The following PRCD variants were observed in gnomAD, a reference collection of about 807,000 sequenced individuals.
PRCD encodes the protein photoreceptor disc component, also known as photoreceptor disk component PRCD.
PRCD carries 12 observed loss-of-function variants against 10.1 expected under a neutral mutation model. The observed-to-expected ratio is 1.18, with a 90% CI of 0.76 to 1.92. The LOEUF is 1.92. Ranked by LOEUF, PRCD falls within the 40% of genes most tolerant of loss-of-function variation. The pLI is 0.00. For missense variants in PRCD, 61 were observed against 72.2 expected (o/e 0.84, Z 0.56); for synonymous variants, 31 against 26.2 (o/e 1.18, Z -0.56).
chr17:76,547,720 CAT>C (rs1165132875), downstream of PRCD, among the ~76,000 whole-genome samples: 4 of 150,526 alleles, frequency 2.7e-5, no homozygotes, highest in African/African-American at 9.8e-5. Context: ...CACAGAGACA[CAT>C]ACATTCACAC....
upstream of PRCD, chr17:76,538,025 T>C (rs2074941241): frequency 6.7e-6 from 1 of 148,720 alleles, no homozygotes; most frequent in South Asian, 2.1e-4. Context: ...CGCACAGGAG[T>C]GCGCTGGGGC....
In PRCD at chr17:76,540,876, G is replaced by T. The variant is rs905071650; in HGVS notation, c.143+303G>T. 6.6e-6 allele frequency among the ~76,000 whole-genome samples: 1 copy of T among 152,228 alleles called. No homozygotes were observed. The highest frequency in any genetic ancestry group is 1.5e-5 in the Non-Finnish European group (1 of 68,036). ...GGCACAGGGGAGTGGAAGGAGGGAT[G>T]AGGCAGGAGTAGCTCTGTGTGGCTT... is the stretch of plus-strand genomic sequence containing the variant. On this transcript the variant is annotated intron_variant, in intron 2 of 4. Transcript: ENST00000592014. This position sits in a 1 kb window ranked among gnomAD's most constrained non-coding sequence, Gnocchi z 5.0.
In PRCD at chr17:76,528,400, G is replaced by A. The variant is rs1227430944; in HGVS notation, n.45+567G>A. Reference sequence around the variant, plus strand: ...TGGGGTCAGCATCCAGGCAGCCAGCGCCGCCTCCCAGCAGCTCCAGGGGGG... The same window carrying A: ...TGGGGTCAGCATCCAGGCAGCCAGCACCGCCTCCCAGCAGCTCCAGGGGGG... On this transcript the variant is annotated intron_variant and non_coding_transcript_variant, in intron 1 of 4. Transcript: ENST00000397633. This position sits in a 1 kb window ranked among gnomAD's most constrained non-coding sequence, Gnocchi z 5.8. 1.2e-5 allele frequency: 6 copies of A among 512,570 alleles called. No homozygotes were observed. The highest frequency in any genetic ancestry group is 4.4e-5 in the Admixed American group (1 of 22,852). 31.8% of individuals were successfully genotyped at this position (512,570 alleles called of 1,614,324 possible). A position where few individuals can be genotyped will look rare whatever the true frequency, so the allele number is the denominator to read the frequency against.
chr17:76,552,649 AG>A (rs2075118415), intron 1 of PRCD, among the ~76,000 whole-genome samples: 1 of 151,536 alleles, frequency 6.6e-6, no homozygotes, highest in Admixed American at 6.6e-5. Context: ...GGGTTACCTG[AG>A]GTCAGGAGTT....
At chr17:76,529,414 T>C (rs868527090) in intron 1 of PRCD, 2 of 985,268 alleles carry the variant, frequency 2.0e-6, no homozygotes, top group South Asian at 4.7e-5. Context: ...TTCAAAATGT[T>C]TGGGGTTTGG....
chr17:76,531,826 A>G lies in PRCD; in HGVS notation n.45+3993A>G, dbSNP rs2074848592. Reference sequence around the variant, plus strand: ...CCGCACCGTCACTGTTTTCACTACCATCAGTAGACCTCAGCATAGACCCTC... The same window carrying G: ...CCGCACCGTCACTGTTTTCACTACCGTCAGTAGACCTCAGCATAGACCCTC... On this transcript the variant is annotated intron_variant and non_coding_transcript_variant, in intron 1 of 4. Coordinates refer to the PRCD transcript ENST00000397633. This position sits in a 1 kb window ranked among gnomAD's most constrained non-coding sequence, Gnocchi z 7.4. 2 of 706,450 alleles carry G rather than the reference A, an allele frequency of 2.8e-6. No individual in the cohort carries two copies. The highest frequency in any genetic ancestry group is 4.7e-6 in the Non-Finnish European group (2 of 428,040). 43.8% of individuals were successfully genotyped at this position (706,450 alleles called of 1,614,324 possible).
rs1309103830 is a variant in PRCD, at chr17:76,528,384, C to T, written n.45+551C>T. 4.5e-6 allele frequency: 2 copies of T among 448,708 alleles called. No individual in the cohort carries two copies. Among genetic ancestry groups the T allele is most frequent in the East Asian group, 3.5e-5 (1 of 28,286 alleles). The allele number at this position is 448,708 out of a possible 1,614,324, so 27.8% of individuals were successfully genotyped here. On this transcript the variant is annotated intron_variant and non_coding_transcript_variant, in intron 1 of 4. Coordinates refer to the PRCD transcript ENST00000397633. This position sits in a 1 kb window ranked among gnomAD's most constrained non-coding sequence, Gnocchi z 5.8. ...GCTCTGCCCGCCGCGCTGGGGTCAG[C>T]ATCCAGGCAGCCAGCGCCGCCTCCC...
At position 76,544,438 on chromosome 17, in the gene PRCD, C is replaced by T. The variant is rs915865010; in HGVS notation, c.*788C>T. 6.6e-6 allele frequency: 3 copies of T among 454,962 alleles called. No individual in the cohort carries two copies. Among genetic ancestry groups the T allele is most frequent in the South Asian group, 3.1e-5 (2 of 64,498 alleles). The allele number at this position is 454,962 out of a possible 1,614,324, so 28.2% of individuals were successfully genotyped here. ...TCAGGGTGGGGGAGGAGGTGCACCC[C>T]GCTGGGGAGGGCCTGCTGGTACCTC... On this transcript the variant is annotated 3_prime_UTR_variant, in exon 5 of 5. Transcript: ENST00000592014.
rs1395185194 is a variant in PRCD, at chr17:76,531,189, G to A, written n.45+3356G>A. 18 of 1,578,716 alleles carry A rather than the reference G, an allele frequency of 1.1e-5. 1 individual carries two copies. Among genetic ancestry groups the A allele is most frequent in the Middle Eastern group, 1.9e-4 (1 of 5,190 alleles). On this transcript the variant is annotated intron_variant and non_coding_transcript_variant, in intron 1 of 4. Coordinates refer to the PRCD transcript ENST00000397633. The surrounding 1 kb of genome is among the most constrained non-coding windows in gnomAD (Gnocchi z 7.4). ...GGGAGTGAACGCCCGGGCGCCCTGC[G>A]TCCTGCAACCCCCAGGCCCCTCCGC...
chr17:76,540,262 G>GCAT lies in PRCD; in HGVS notation c.74+47_74+48insCAT. The GCAT allele has an allele frequency of 1.4e-6, 1 of 738,400 alleles. No individual in the cohort carries two copies. Among genetic ancestry groups the GCAT allele is most frequent in the Non-Finnish European group, 2.3e-6 (1 of 426,264 alleles). 45.7% of individuals were successfully genotyped at this position (738,400 alleles called of 1,614,324 possible). ...GGCTGGCGGTTGGTCGGGGGGGGGGGGCATGGGGCTGGGCTGCCACCAAGC... is the reference window on the plus strand; with the variant it reads ...GGCTGGCGGTTGGTCGGGGGGGGGGGCATGCATGGGGCTGGGCTGCCACCAAGC... On this transcript the variant is annotated intron_variant, in intron 1 of 4. Transcript: ENST00000592014. The surrounding 1 kb of genome is among the most constrained non-coding windows in gnomAD (Gnocchi z 5.0).
At position 76,533,655 on chromosome 17, in the gene PRCD, C is replaced by G. The variant is rs2074876244; in HGVS notation, n.45+5822C>G. On this transcript the variant is annotated intron_variant and non_coding_transcript_variant, in intron 1 of 4. Coordinates refer to the PRCD transcript ENST00000397633. This position sits in a 1 kb window ranked among gnomAD's most constrained non-coding sequence, Gnocchi z 4.5. ...GGAGGATCACTTGAACCCGGGAGGC[C>G]AAGGCTGCAGGGAGCCAAGATTGTG... Among the ~76,000 whole-genome samples the G allele has an allele frequency of 6.6e-6, 1 of 152,010 alleles. No individual in the cohort carries two copies. Among genetic ancestry groups the G allele is most frequent in the East Asian group, 1.9e-4 (1 of 5,186 alleles).
chr17:76,528,913 T>C lies in PRCD; in HGVS notation n.45+1080T>C. 8.5e-7 allele frequency: 1 copy of C among 1,179,748 alleles called. No homozygotes were observed. The highest frequency in any genetic ancestry group is 1.0e-6 in the Non-Finnish European group (1 of 955,628). 73.1% of individuals were successfully genotyped at this position (1,179,748 alleles called of 1,614,324 possible). On this transcript the variant is annotated intron_variant and non_coding_transcript_variant, in intron 1 of 4. Coordinates refer to the PRCD transcript ENST00000397633. The surrounding 1 kb of genome is among the most constrained non-coding windows in gnomAD (Gnocchi z 5.8). ...GTGTTTCACAAACTGCAAAGCACGATACCAATGTGAGCTCTTTTTCCATTA... is the reference window on the plus strand; with the variant it reads ...GTGTTTCACAAACTGCAAAGCACGACACCAATGTGAGCTCTTTTTCCATTA...
chr17:76,534,421 T>C (rs2074891693), intron 1 of PRCD, among the ~76,000 whole-genome samples: 1 of 152,170 alleles, frequency 6.6e-6, no homozygotes, highest in Non-Finnish European at 1.5e-5. Flanking sequence ...TCCGGTGATC[T>C]GCCTGCCTCG....
upstream of PRCD, among the ~76,000 whole-genome samples, chr17:76,535,273 G>C (rs951399152): frequency 1.3e-5 from 2 of 152,210 alleles, no homozygotes; most frequent in African/African-American, 4.8e-5. Flanking sequence ...GCAGTGGGGA[G>C]GGCAGAGGTG....
chr17:76,551,322 A>G (rs1374966337), intron 1 of PRCD: 1 of 152,224 alleles, frequency 6.6e-6, no homozygotes, highest in Non-Finnish European at 1.5e-5. Context: ...AGATCCATGG[A>G]GCATTATATC....
rs929180613 is a variant in PRCD at position 76,533,099 on chromosome 17, C to T, written n.45+5266C>T. 6.6e-6 allele frequency among the ~76,000 whole-genome samples: 1 copy of T among 152,180 alleles called. No homozygotes were observed. The highest frequency in any genetic ancestry group is 1.5e-5 in the Non-Finnish European group (1 of 68,030). On this transcript the variant is annotated intron_variant and non_coding_transcript_variant, in intron 1 of 4. Transcript: ENST00000397633. The surrounding 1 kb of genome is among the most constrained non-coding windows in gnomAD (Gnocchi z 4.5). ...GAACAGATGCGGAGAGGGCATCTGG[C>T]CGGGTCATCCCTGCTGCTGGTGGAA... is the stretch of plus-strand genomic sequence containing the variant.
downstream of PRCD, among the ~76,000 whole-genome samples, chr17:76,548,756 G>A (rs1270372239): frequency 6.6e-6 from 1 of 152,230 alleles, no homozygotes; most frequent in Non-Finnish European, 1.5e-5. Flanking sequence ...GGAGTGCTGT[G>A]TGCCAGGCAC....
intron 1 of PRCD, among the ~76,000 whole-genome samples, chr17:76,532,778 C>T (rs1323443173): frequency 2.6e-5 from 4 of 151,930 alleles, no homozygotes; most frequent in South Asian, 2.1e-4. Context: ...CTCAGGCGAT[C>T]CGCCTGCCTC....
chr17:76,529,914 G>A (rs549764364), intron 1 of PRCD: 22 of 985,324 alleles, frequency 2.2e-5, no homozygotes, highest in Non-Finnish European at 2.7e-5. Context: ...GACGGGAGAG[G>A]GGGGAGGGGA....
Sources: gnomAD v4.1 joint callset for allele counts (sites outside exome capture counted in the v4.1 genomes callset) on GRCh38, gnomAD v4.1.1 for gene constraint, Gnocchi (gnomAD v3.1) non-coding constraint, MANE v1.5 for transcripts, NCBI Gene and HGNC (gene_info 2026-07-23, HGNC 2026-07-21) for gene names.